The following ALPK1 variants were observed in gnomAD, a reference collection of about 807,000 sequenced individuals.
The protein encoded by ALPK1 is alpha kinase 1, also known as alpha-protein kinase 1.
Under a neutral mutation model 120.6 loss-of-function variants are expected in ALPK1, and 110 were observed. That is an observed-to-expected ratio of 0.91 (90% CI 0.78 to 1.07). ALPK1 has a LOEUF of 1.07. ALPK1 is among the 50% of genes least tolerant of loss of function. ALPK1 has a pLI of 0.00. For synonymous variants in ALPK1, 582 were observed against 560.3 expected, an observed-to-expected ratio of 1.04 and a Z score of -0.55; for missense variants, 1,498 against 1,483.9, an observed-to-expected ratio of 1.01 and a Z score of -0.16.
chr4:112,311,896 T>C (rs1309340911), intron 1 of ALPK1, among the ~76,000 whole-genome samples: 1 of 152,100 alleles, frequency 6.6e-6, no homozygotes, highest in East Asian at 1.9e-4. Flanking sequence ...AAACAGAAGA[T>C]AGCACGTGTA....
chr4:112,359,753 GCCC>G, intron 2 of ALPK1: 1 of 384,220 alleles, frequency 2.6e-6, no homozygotes. Context: ...TCTAGGACGT[GCCC>G]AACCTGCACA....
chr4:112,359,221 G>A (rs1730796104), intron 2 of ALPK1: 15 of 583,860 alleles, frequency 2.6e-5, no homozygotes, highest in South Asian at 2.3e-4. Flanking sequence ...CACCCACAGT[G>A]GGGGTCCAGA....
At chr4:112,306,343 C>T (rs1728055129) in intron 1 of ALPK1, among the ~76,000 whole-genome samples, 1 of 152,054 alleles carries the variant, frequency 6.6e-6, no homozygotes, top group Non-Finnish European at 1.5e-5. Context: ...CCTCTTTGTA[C>T]CTCTGGTAGA....
chr4:112,348,872 G>A (rs1730207273), intron 2 of ALPK1, among the ~76,000 whole-genome samples: 3 of 152,148 alleles, frequency 2.0e-5, no homozygotes, highest in Non-Finnish European at 4.4e-5. Flanking sequence ...AGCTTTGTGT[G>A]TGTCTCGGAG....
At chr4:112,358,527 A>G (rs1730756299) in intron 2 of ALPK1, 4 of 680,188 alleles carry the variant, frequency 5.9e-6, no homozygotes, top group South Asian at 4.7e-5. Flanking sequence ...GGGGACCCGG[A>G]GGGCAGCCTG....
chr4:112,360,542 A>G lies in ALPK1; in HGVS notation c.-100-17136A>G, dbSNP rs946036484. ...ATATGGGAGTGCAGAAATCTCTTCA[A>G]TACATTGTTATTGTTGTAGCTTTAT... On this transcript the variant is annotated intron_variant, in intron 2 of 15. Transcript: ENST00000650871. 2.0e-5 allele frequency among the ~76,000 whole-genome samples: 3 copies of G among 152,222 alleles called. No homozygotes were observed. In the East Asian group the frequency reaches 5.8e-4, roughly 29 times the overall value.
intron 5 of ALPK1, chr4:112,412,339 A>C (rs1175702103): frequency 5.6e-6 from 3 of 534,646 alleles, no homozygotes; most frequent in Admixed American, 2.2e-5. Context: ...CTGAATTGCT[A>C]TACTTCTGAC....
chr4:112,440,515 T>C (rs1734987805), intron 14 of ALPK1, among the ~76,000 whole-genome samples: 1 of 137,260 alleles, frequency 7.3e-6, no homozygotes, highest in Non-Finnish European at 1.7e-5. Context: ...CTGCACTCAA[T>C]AAATATTTGT....
chr4:112,367,696 A>C (rs1226598539), intron 2 of ALPK1, among the ~76,000 whole-genome samples: 1 of 152,220 alleles, frequency 6.6e-6, no homozygotes, highest in Non-Finnish European at 1.5e-5. Flanking sequence ...AATCACAATT[A>C]TCTCTCCAAA....
At chr4:112,313,768 A>G (rs943886208) in intron 1 of ALPK1, among the ~76,000 whole-genome samples, 1 of 152,150 alleles carries the variant, frequency 6.6e-6, no homozygotes, top group Non-Finnish European at 1.5e-5. Flanking sequence ...ATTTAGCAAC[A>G]TGGAGTTGAT....
intron 2 of ALPK1, among the ~76,000 whole-genome samples, chr4:112,328,218 T>C (rs1729201315): frequency 6.6e-6 from 1 of 152,244 alleles, no homozygotes; most frequent in Non-Finnish European, 1.5e-5. Flanking sequence ...CTTCTGTCTG[T>C]GGGCAAGAGC....
chr4:112,335,768 A>G (rs768533975), intron 2 of ALPK1, among the ~76,000 whole-genome samples: 54 of 152,222 alleles, frequency 3.5e-4, no homozygotes, highest in Non-Finnish European at 5.9e-4. Flanking sequence ...GATTCCAGTA[A>G]TAAAGGGTCT....
At chr4:112,412,890 A>G (rs935933965) in intron 5 of ALPK1, among the ~76,000 whole-genome samples, 12 of 152,232 alleles carry the variant, frequency 7.9e-5, no homozygotes, top group African/African-American at 2.9e-4. Context: ...GAACTGTACT[A>G]ACTATGCTAA....
intron 2 of ALPK1, among the ~76,000 whole-genome samples, chr4:112,339,650 A>G (rs981577076): frequency 2.6e-5 from 4 of 152,188 alleles, no homozygotes; most frequent in African/African-American, 9.6e-5. Context: ...TATAATTTTT[A>G]GTTTGCCATA....
rs866154898 is a variant in ALPK1, at chr4:112,324,339, A to G, written c.-101+8487A>G. On this transcript the variant is annotated intron_variant, in intron 2 of 15. Transcript: ENST00000650871. ...AAGACTCCATCTCAGAAAAAAAAAA[A>G]AGAAAAAAAAAAGCCTGCTCTTTGT... is the stretch of plus-strand genomic sequence containing the variant. Among the ~76,000 whole-genome samples the G allele has an allele frequency of 2.4e-3, 356 of 145,976 alleles. 5 individuals are homozygous for G. Among genetic ancestry groups the G allele is most frequent in the Admixed American group, 0.011 (163 of 14,654 alleles).
chr4:112,414,521 T>A (rs943714595), intron 5 of ALPK1: 1 of 304,170 alleles, frequency 3.3e-6, no homozygotes, highest in African/African-American at 2.2e-5. Flanking sequence ...GGCAGGAGAA[T>A]CACTTGAACT....
At chr4:112,299,656 C>T (rs1342168316) in intron 1 of ALPK1, among the ~76,000 whole-genome samples, 1 of 152,074 alleles carries the variant, frequency 6.6e-6, no homozygotes, top group Non-Finnish European at 1.5e-5. Flanking sequence ...TTTTACTGGG[C>T]CTTGGTTACA....
At chr4:112,360,319 A>G (rs752902636) in intron 2 of ALPK1, among the ~76,000 whole-genome samples, 10 of 152,224 alleles carry the variant, frequency 6.6e-5, no homozygotes, top group Non-Finnish European at 1.3e-4. Flanking sequence ...TTCTTTGTCC[A>G]TTTATCCTTG....
chr4:112,335,222 C>T (rs1729559694), intron 2 of ALPK1, among the ~76,000 whole-genome samples: 1 of 150,210 alleles, frequency 6.7e-6, no homozygotes, highest in African/African-American at 2.5e-5. Context: ...TGCCATTGCA[C>T]TCCAGCCTCC....
Sources: gnomAD v4.1 joint callset for allele counts (sites outside exome capture counted in the v4.1 genomes callset) on GRCh38, gnomAD v4.1.1 for gene constraint, MANE v1.5 for transcripts, NCBI Gene and HGNC (gene_info 2026-07-23, HGNC 2026-07-21) for gene names.